Variants in BCKDHA observed in about 807,000 individuals in gnomAD.
The protein encoded by BCKDHA is 2-oxoisovalerate dehydrogenase subunit alpha, mitochondrial.
In BCKDHA, 43 loss-of-function variants were observed where a neutral mutation model predicts 52.2. The ratio of observed to expected loss-of-function variants is 0.82; its 90% CI spans 0.64 to 1.06. BCKDHA has a LOEUF of 1.06. BCKDHA is among the 50% of genes least tolerant of loss of function. BCKDHA has a pLI of 0.00. For missense variants in BCKDHA, 527 were observed against 621.3 expected (o/e 0.85, Z 1.61); for synonymous variants, 234 against 247.9 (o/e 0.94, Z 0.53).
At chr19:41,406,344 C>T (rs2039192694) in intron 1 of BCKDHA, among the ~76,000 whole-genome samples, 1 of 152,162 alleles carries the variant, frequency 6.6e-6, no homozygotes, top group African/African-American at 2.4e-5. Flanking sequence ...CATCAGCATG[C>T]CGTCTCCCCT....
intron 1 of BCKDHA, among the ~76,000 whole-genome samples, chr19:41,408,980 G>A (rs1210494402): frequency 6.7e-6 from 1 of 148,398 alleles, no homozygotes; most frequent in East Asian, 2.0e-4. Flanking sequence ...GTGTGGCAGG[G>A]TCTCTGTTGC....
rs761915209 is a variant in BCKDHA at position 41,410,769 on chromosome 19, G to A, written c.241G>A (p.Val81Ile). 1.4e-5 allele frequency: 23 copies of A among 1,614,154 alleles called. No individual in the cohort carries two copies. The highest frequency in any genetic ancestry group is 9.3e-5 in the African/African-American group (7 of 75,032). ...NVISGIPIYR[V>I]MDRQGQIINP... ...CATCTCTGGAATCCCCATCTACCGC[G>A]TCATGGACCGGCAAGGCCAGATCAT... The change falls in exon 2 of 9, where the codon GTC becomes ATC. Residue 81 changes from valine to isoleucine, a missense_variant. Physicochemically the swap from Val to Ile is conservative, Grantham distance 29 (BLOSUM62 3). Coordinates refer to ENST00000269980, the MANE Select transcript of BCKDHA (RefSeq NM_000709.4).
intron 3 of BCKDHA, among the ~76,000 whole-genome samples, chr19:41,412,380 CTTTTTTT>C (rs530972813): frequency 4.6e-5 from 3 of 65,864 alleles, no homozygotes; most frequent in African/African-American, 1.7e-4. Context: ...GTAGATATTT[CTTTTTTT>C]TTTTTTTTTT....
At chr19:41,412,757 G>A (rs1037790836) in intron 3 of BCKDHA, among the ~76,000 whole-genome samples, 2 of 151,892 alleles carry the variant, frequency 1.3e-5, no homozygotes, top group African/African-American at 4.8e-5. Context: ...AGGCTGGAGT[G>A]CAGTGGCGCA....
Position 41,424,879 on chromosome 19 carries a change from C to T in BCKDHA, c.*271C>T, listed in dbSNP as rs2039411324. The T allele has an allele frequency of 2.3e-6, 1 of 429,902 alleles. No homozygotes were observed. The highest frequency in any genetic ancestry group is 4.2e-6 in the Non-Finnish European group (1 of 237,800). 26.6% of individuals were successfully genotyped at this position (429,902 alleles called of 1,614,324 possible). A position where few individuals can be genotyped will look rare whatever the true frequency, so the allele number is the denominator to read the frequency against. ...TTCTCCCAGGGGCTGGGTGAGGGCACATTCAGGACTAGAAGCCCCTCTGGG... is the reference window on the plus strand; with the variant it reads ...TTCTCCCAGGGGCTGGGTGAGGGCATATTCAGGACTAGAAGCCCCTCTGGG... On this transcript the variant is annotated 3_prime_UTR_variant, in exon 9 of 9. Transcript: ENST00000269980.
rs933412833 is a variant in BCKDHA, at chr19:41,419,300, A to T, written c.646+4A>T. Reference sequence around the variant, plus strand: ...CTGGCCACGCAGATCCCTCAGGGTGAGGATGCATGCCCTGTACCTTGCACA... The same window carrying T: ...CTGGCCACGCAGATCCCTCAGGGTGTGGATGCATGCCCTGTACCTTGCACA... On this transcript the variant is annotated splice_donor_region_variant and intron_variant, in intron 5 of 8. Transcript: ENST00000269980. 8 of 1,611,740 alleles carry T rather than the reference A, an allele frequency of 5.0e-6. No homozygotes were observed. The highest frequency in any genetic ancestry group is 5.9e-6 in the Non-Finnish European group (7 of 1,178,874).
chr19:41,399,738 C>G (rs2039117254), intron 1 of BCKDHA: 1 of 146,200 alleles, frequency 6.8e-6, no homozygotes, highest in Non-Finnish European at 1.5e-5. Flanking sequence ...CTTTCCTTTT[C>G]TCTTCTCTTT....
At chr19:41,415,773 C>T (rs1011715512) in intron 4 of BCKDHA, among the ~76,000 whole-genome samples, 3 of 151,726 alleles carry the variant, frequency 2.0e-5, no homozygotes, top group African/African-American at 4.8e-5. Context: ...TTCAGCCTCC[C>T]GAGTAGCTGG....
At chr19:41,402,911 G>A (rs2039153107) in intron 1 of BCKDHA, among the ~76,000 whole-genome samples, 1 of 149,500 alleles carries the variant, frequency 6.7e-6, no homozygotes, top group South Asian at 2.1e-4. Flanking sequence ...AAAGTGCTGG[G>A]GTTACAGGCG....
chr19:41,416,260 A>G (rs543454244), intron 4 of BCKDHA, among the ~76,000 whole-genome samples: 2 of 152,080 alleles, frequency 1.3e-5, no homozygotes, highest in Non-Finnish European at 2.9e-5. Context: ...AGGTGCTGTT[A>G]TATGTGCTCT....
intron 1 of BCKDHA, among the ~76,000 whole-genome samples, chr19:41,401,693 T>A (rs2039140650): frequency 6.6e-6 from 1 of 152,198 alleles, no homozygotes; most frequent in Non-Finnish European, 1.5e-5. Flanking sequence ...AGTCAGTTTC[T>A]CAGCCACTAC....
chr19:41,402,796 G>A (rs1441461267), intron 1 of BCKDHA, among the ~76,000 whole-genome samples: 2 of 152,018 alleles, frequency 1.3e-5, no homozygotes, highest in Admixed American at 1.3e-4. Context: ...GTGTGCCACC[G>A]TGTCCGGCTA....
rs284647 is a variant in BCKDHA at position 41,419,506 on chromosome 19, A to G, written c.646+210A>G. Among the ~76,000 whole-genome samples, 18,634 of 152,166 alleles carry G rather than the reference A, an allele frequency of 0.12. 1,296 individuals carry two copies. Among genetic ancestry groups the G allele is most frequent in the African/African-American group, 0.18 (7,308 of 41,516 alleles). On this transcript the variant is annotated intron_variant, in intron 5 of 8. Coordinates refer to ENST00000269980, the MANE Select transcript of BCKDHA (RefSeq NM_000709.4). Reference sequence around the variant, plus strand: ...GCCCAGGCTAGAGTGCAGTGGTGCTATCGCAGCTCACTGCAGCCTCCTTCT... The same window carrying G: ...GCCCAGGCTAGAGTGCAGTGGTGCTGTCGCAGCTCACTGCAGCCTCCTTCT...
intron 3 of BCKDHA, 119 bp from the exon 4 acceptor site, chr19:41,413,930 T>G: frequency 1.2e-6 from 1 of 862,784 alleles, no homozygotes; most frequent in East Asian, 2.5e-5. Context: ...GGCCCAGGAC[T>G]GGCCTTCAGG....
rs115971313 is a variant in BCKDHA, at chr19:41,422,111, T to C, written c.647-53T>C. ...CGTGGGTCATGTGAGTGTGAATGAG[T>C]GTGAGTGCATGTGAGTCTCCGCCCC... On this transcript the variant is annotated intron_variant, in intron 5 of 8. Coordinates refer to ENST00000269980, the MANE Select transcript of BCKDHA (RefSeq NM_000709.4). The C allele has an allele frequency of 1.7e-4, 268 of 1,534,568 alleles. 1 individual carries two copies. In the African/African-American group the frequency reaches 3.4e-3, roughly 19 times the overall value.
At chr19:41,407,078 C>T (rs986009422) in intron 1 of BCKDHA, among the ~76,000 whole-genome samples, 6 of 152,186 alleles carry the variant, frequency 3.9e-5, no homozygotes, top group African/African-American at 1.4e-4. Flanking sequence ...CTTCCCAGCT[C>T]CTCTTTTCCC....
intron 1 of BCKDHA, chr19:41,400,220 C>G (rs2039123046): frequency 6.6e-6 from 1 of 151,418 alleles, no homozygotes; most frequent in African/African-American, 2.4e-5. Context: ...GCACGTGCTA[C>G]TACGCCTGGC....
chr19:41,411,255 G>A (rs1222574103), intron 3 of BCKDHA, among the ~76,000 whole-genome samples: 1 of 152,150 alleles, frequency 6.6e-6, no homozygotes, highest in East Asian at 1.9e-4. Context: ...CCTGTGTGGG[G>A]AGAGGGCAGG....
intron 1 of BCKDHA, among the ~76,000 whole-genome samples, chr19:41,406,429 A>G (rs2039193811): frequency 6.6e-6 from 1 of 152,060 alleles, no homozygotes; most frequent in South Asian, 2.1e-4. Context: ...ACAGGGTATC[A>G]CTTTGTTGCC....
Sources: allele counts gnomAD v4.1 joint callset (sites outside exome capture counted in the v4.1 genomes callset), GRCh38; gene constraint gnomAD v4.1.1; transcripts MANE v1.5; gene names NCBI Gene and HGNC (gene_info 2026-07-23, HGNC 2026-07-21).